Variants in MYO18B observed in about 807,000 individuals in gnomAD.
MYO18B encodes myosin XVIIIB, also known as unconventional myosin-XVIIIb.
A neutral mutation model predicts 273.0 loss-of-function variants in MYO18B; 204 were observed. The ratio of observed to expected loss-of-function variants is 0.75; its 90% CI spans 0.67 to 0.84. The LOEUF is 0.84. Among genes scored for constraint, MYO18B ranks in the 40% least tolerant of loss-of-function variants. The pLI is 0.00. For missense variants in MYO18B, 3,212 were observed against 3,287.6 expected (o/e 0.98, Z 0.56); for synonymous variants, 1,330 against 1,305.7 (o/e 1.02, Z -0.40).
At chr22:25,928,009 G>T (rs1174846620) in intron 34 of MYO18B, among the ~76,000 whole-genome samples, 1 of 152,182 alleles carries the variant, frequency 6.6e-6, no homozygotes, top group East Asian at 1.9e-4. Flanking sequence ...GTACATGTAT[G>T]TAGACATTCT....
intron 13 of MYO18B, among the ~76,000 whole-genome samples, chr22:25,826,143 C>A (rs2089481233): frequency 6.6e-6 from 1 of 152,168 alleles, no homozygotes; most frequent in Admixed American, 6.5e-5. Flanking sequence ...GAAGGCTTTC[C>A]TGAGGAGGTG....
At chr22:25,767,302 G>A (rs2086539845) in intron 3 of MYO18B, among the ~76,000 whole-genome samples, 1 of 152,222 alleles carries the variant, frequency 6.6e-6, no homozygotes, top group Admixed American at 6.5e-5. Flanking sequence ...TGGGTGTTAT[G>A]CAGTCACAAA....
chr22:25,866,154 AGCCTCATAATACCTTT>A (rs1424019567), intron 21 of MYO18B, among the ~76,000 whole-genome samples: 1 of 152,004 alleles, frequency 6.6e-6, no homozygotes, highest in Non-Finnish European at 1.5e-5. Context: ...AAATTACTCC[AGCCTCATAATACCTTT>A]TGCTTCCTGA....
Position 26,028,174 on chromosome 22 carries a change from G to A in MYO18B, c.*12+484G>A, listed in dbSNP as rs938145117. Among the ~76,000 whole-genome samples, 11 of 150,488 alleles carry A rather than the reference G, an allele frequency of 7.3e-5. No individual in the cohort carries two copies. The East Asian group carries it at 2.0e-3, about 27-fold the overall frequency. On this transcript the variant is annotated intron_variant, in intron 43 of 43. Transcript: ENST00000335473. The stretch of plus-strand genomic sequence containing the variant: ...GCAGGACAATCGCTTGAACCAGGGA[G>A]GCAGAGGTTGCAGTGAGCTGAGGGT...
At chr22:25,874,058 G>A (rs1360480510) in intron 22 of MYO18B, among the ~76,000 whole-genome samples, 1 of 152,206 alleles carries the variant, frequency 6.6e-6, no homozygotes, top group African/African-American at 2.4e-5. Context: ...CAATGCCACT[G>A]GTGCGTGGGC....
intron 18 of MYO18B, among the ~76,000 whole-genome samples, chr22:25,845,721 C>T (rs989769104): frequency 6.6e-6 from 1 of 152,196 alleles, no homozygotes; most frequent in African/African-American, 2.4e-5. Flanking sequence ...TGGCACGTGC[C>T]TACTGTGTGC....
At chr22:25,867,568 A>C (rs2090923670) in intron 21 of MYO18B, among the ~76,000 whole-genome samples, 2 of 152,222 alleles carry the variant, frequency 1.3e-5, no homozygotes, top group South Asian at 4.1e-4. Flanking sequence ...TTGGGTATTG[A>C]GTATAATGCT....
chr22:25,775,371 C>T (rs146165089), intron 7 of MYO18B, among the ~76,000 whole-genome samples: 169 of 152,280 alleles, frequency 1.1e-3, no homozygotes, highest in African/African-American at 3.9e-3. Context: ...GAGGGGAGGG[C>T]CATCACACCA....
chr22:25,874,954 A>C (rs1331809484), intron 23 of MYO18B, among the ~76,000 whole-genome samples: 1 of 152,262 alleles, frequency 6.6e-6, no homozygotes, highest in Non-Finnish European at 1.5e-5. Flanking sequence ...TTAATACAGT[A>C]CATGGCACAT....
chr22:25,862,285 T>G (rs928906660), intron 21 of MYO18B, among the ~76,000 whole-genome samples: 2 of 152,298 alleles, frequency 1.3e-5, no homozygotes, highest in Middle Eastern at 3.4e-3. Flanking sequence ...CATCTATATA[T>G]GTTAAAAAAT....
At chr22:25,997,978 C>CACACACACGAGAGAGAGA (rs34431605) in intron 40 of MYO18B, among the ~76,000 whole-genome samples, 2 of 144,550 alleles carry the variant, frequency 1.4e-5, no homozygotes, top group African/African-American at 5.3e-5. Context: ...CACACACACA[C>CACACACACGAGAGAGAGA]GAGAGAGAGA....
chr22:25,859,218 A>T (rs2090660237), intron 21 of MYO18B, among the ~76,000 whole-genome samples: 1 of 152,222 alleles, frequency 6.6e-6, no homozygotes, highest in Non-Finnish European at 1.5e-5. Flanking sequence ...TTGTTAAGAT[A>T]AAATATTTTT....
chr22:25,831,658 C>T (rs2089712337), intron 15 of MYO18B, among the ~76,000 whole-genome samples: 1 of 152,200 alleles, frequency 6.6e-6, no homozygotes, highest in Non-Finnish European at 1.5e-5. Flanking sequence ...GCTTGGATTA[C>T]AGGCATGAGC....
chr22:25,904,513 C>T (rs2027881), intron 31 of MYO18B, among the ~76,000 whole-genome samples: 134,860 of 152,206 alleles, frequency 0.89, 60,138 homozygotes, highest in African/African-American at 0.95. Flanking sequence ...CACACTGCCT[C>T]GAATGTCTGC....
intron 40 of MYO18B, among the ~76,000 whole-genome samples, chr22:25,997,978 C>CACACACACACGAGA (rs34431605): frequency 1.4e-5 from 2 of 144,640 alleles, no homozygotes; most frequent in African/African-American, 2.6e-5. Flanking sequence ...CACACACACA[C>CACACACACACGAGA]GAGAGAGAGA....
chr22:25,864,842 A>C (rs962233966), intron 21 of MYO18B, among the ~76,000 whole-genome samples: 1 of 152,236 alleles, frequency 6.6e-6, no homozygotes, highest in Non-Finnish European at 1.5e-5. Flanking sequence ...AAAAAGCAGC[A>C]TTTTATGCTG....
chr22:25,747,244 G>A (rs1171470706), intron 1 of MYO18B, among the ~76,000 whole-genome samples: 1 of 152,308 alleles, frequency 6.6e-6, no homozygotes. Flanking sequence ...CATGGTGGCC[G>A]GGAAACACTA....
At chr22:25,781,626 G>T (rs28729695) in intron 9 of MYO18B, 108 bp from the exon 10 acceptor site, 9 of 370,466 alleles carry the variant, frequency 2.4e-5, no homozygotes, top group Non-Finnish European at 2.7e-5. Flanking sequence ...AAAAAAAAAA[G>T]AGTGGATCAG....
rs112878105 is a variant in MYO18B, at chr22:26,007,660, C to T, written c.6470+2805C>T. 6.6e-3 allele frequency among the ~76,000 whole-genome samples: 1,011 copies of T among 152,164 alleles called. 8 individuals are homozygous for T. The highest frequency in any genetic ancestry group is 0.023 in the African/African-American group (967 of 41,512). On this transcript the variant is annotated intron_variant, in intron 42 of 43. Transcript: ENST00000335473. ...TTATAGCTTGAGGACTCAAGGCATT[C>T]TGAGTTGCAAAGGACCACCGGGATT...
Sources: allele counts gnomAD v4.1 joint callset (sites outside exome capture counted in the v4.1 genomes callset), GRCh38; gene constraint gnomAD v4.1.1; transcripts MANE v1.5; gene names NCBI Gene and HGNC (gene_info 2026-07-23, HGNC 2026-07-21).